The following UBE2K variants were observed in gnomAD, a reference collection of about 807,000 sequenced individuals.
The protein encoded by UBE2K is ubiquitin-conjugating enzyme E2 K.
Under a neutral mutation model 30.0 loss-of-function variants are expected in UBE2K, and 6 were observed. The observed-to-expected ratio is 0.20, with a 90% CI of 0.11 to 0.39. The LOEUF (loss-of-function observed/expected upper bound fraction) is 0.39. UBE2K is among the 10% of genes least tolerant of loss of function. UBE2K has a pLI of 1.00. For synonymous variants in UBE2K, 86 were observed against 83.7 expected (o/e 1.03, Z -0.15); for missense variants, 61 against 241.6 (o/e 0.25, Z 4.96).
At chr4:39,744,074 G>A (rs940697625) in intron 2 of UBE2K, among the ~76,000 whole-genome samples, 2 of 152,130 alleles carry the variant, frequency 1.3e-5, no homozygotes, top group Admixed American at 1.3e-4. Flanking sequence ...TGTTTGCCAG[G>A]CTAGTCTTGA....
At chr4:39,764,902 T>TC (rs397799199) in intron 4 of UBE2K, among the ~76,000 whole-genome samples, 58 of 142,842 alleles carry the variant, frequency 4.1e-4, no homozygotes, top group African/African-American at 1.5e-3. Context: ...TTTTTTTTTT[T>TC]CGAGACAAGA....
intron 3 of UBE2K, among the ~76,000 whole-genome samples, chr4:39,752,266 A>G (rs547210045): frequency 6.8e-6 from 1 of 147,840 alleles, no homozygotes; most frequent in Admixed American, 6.7e-5. Flanking sequence ...AGTAGTTGGG[A>G]CTGCAGTAGC....
intron 2 of UBE2K, among the ~76,000 whole-genome samples, chr4:39,743,913 A>G (rs1437986414): frequency 6.6e-6 from 1 of 152,052 alleles, no homozygotes; most frequent in Admixed American, 6.6e-5. Flanking sequence ...CGTAGGCTGG[A>G]GTGCAGTGGT....
At chr4:39,775,629 G>A (rs1000932484) in intron 5 of UBE2K, among the ~76,000 whole-genome samples, 1 of 152,148 alleles carries the variant, frequency 6.6e-6, no homozygotes, top group Non-Finnish European at 1.5e-5. Flanking sequence ...GCACACACCT[G>A]TAGTCCCAGC....
intron 3 of UBE2K, among the ~76,000 whole-genome samples, chr4:39,749,561 C>T (rs1300436645): frequency 6.6e-6 from 1 of 152,112 alleles, no homozygotes; most frequent in East Asian, 1.9e-4. Flanking sequence ...CGCCTGTAGT[C>T]TCAGCTACTC....
chr4:39,747,508 G>A (rs1045312884), intron 3 of UBE2K, among the ~76,000 whole-genome samples: 2 of 152,180 alleles, frequency 1.3e-5, no homozygotes, highest in African/African-American at 4.8e-5. Flanking sequence ...TCATGTTAAA[G>A]CATGTGTCAG....
Position 39,717,218 on chromosome 4 carries a change from T to C in UBE2K, c.63+18828T>C, listed in dbSNP as rs376859265. On this transcript the variant is annotated intron_variant, in intron 1 of 6. Transcript: ENST00000261427. ...CATTTATTTTTCTGCCTTCAGTCTC[T>C]CCCAGCTTTTCTTTTCTTTCTTTTT... 2.6e-5 allele frequency among the ~76,000 whole-genome samples: 4 copies of C among 151,760 alleles called. No individual in the cohort carries two copies. In the South Asian group the frequency reaches 6.2e-4, roughly 24 times the overall value.
chr4:39,702,979 G>A (rs1718120722), intron 1 of UBE2K, among the ~76,000 whole-genome samples: 1 of 151,982 alleles, frequency 6.6e-6, no homozygotes, highest in Non-Finnish European at 1.5e-5. Flanking sequence ...ACTGCCATAT[G>A]TTGAGAACTA....
chr4:39,750,821 C>T (rs1418855847), intron 3 of UBE2K, among the ~76,000 whole-genome samples: 1 of 151,476 alleles, frequency 6.6e-6, no homozygotes, highest in Non-Finnish European at 1.5e-5. Flanking sequence ...TCATGGCTCA[C>T]TGCAACCTCT....
chr4:39,716,163 T>G (rs1288394128), intron 1 of UBE2K, among the ~76,000 whole-genome samples: 1 of 152,228 alleles, frequency 6.6e-6, no homozygotes, highest in Non-Finnish European at 1.5e-5. Flanking sequence ...CATCCTCCAC[T>G]TGTCTCTGGA....
chr4:39,728,413 A>T (rs6531739), intron 1 of UBE2K, among the ~76,000 whole-genome samples: 124,593 of 152,118 alleles, frequency 0.82, 51,470 homozygotes, highest in East Asian at 0.92. Flanking sequence ...GGTTTGAGGC[A>T]GCGGTGAGCT....
chr4:39,770,091 A>G lies in UBE2K; in HGVS notation c.300-4743A>G, dbSNP rs995329171. On this transcript the variant is annotated intron_variant, in intron 4 of 6. Transcript: ENST00000261427. Reference sequence around the variant, plus strand: ...TCCACGCCTGCGCGGCTAGCGGATGAGGACATTAATCTCGGCCACACTGGT... The same window carrying G: ...TCCACGCCTGCGCGGCTAGCGGATGGGGACATTAATCTCGGCCACACTGGT... 6.4e-6 allele frequency: 10 copies of G among 1,557,256 alleles called. No individual in the cohort carries two copies. In the African/African-American group the frequency reaches 1.2e-4, roughly 19 times the overall value.
chr4:39,749,225 T>C (rs1361005407), intron 3 of UBE2K, among the ~76,000 whole-genome samples: 1 of 152,214 alleles, frequency 6.6e-6, no homozygotes, highest in African/African-American at 2.4e-5. Flanking sequence ...AGAGAAAATA[T>C]ATCTTTGAAT....
At chr4:39,732,200 G>C (rs1430947236) in intron 1 of UBE2K, among the ~76,000 whole-genome samples, 1 of 152,100 alleles carries the variant, frequency 6.6e-6, no homozygotes, top group African/African-American at 2.4e-5. Context: ...AACCCTATGA[G>C]GAACTATCTT....
chr4:39,774,588 G>A (rs1018028426), intron 4 of UBE2K, among the ~76,000 whole-genome samples: 1 of 151,856 alleles, frequency 6.6e-6, no homozygotes, highest in African/African-American at 2.4e-5. Context: ...ACTCCAGCCT[G>A]GGCGACAGAG....
chr4:39,733,814 T>A (rs1720207245), intron 1 of UBE2K, among the ~76,000 whole-genome samples: 1 of 152,194 alleles, frequency 6.6e-6, no homozygotes, highest in Non-Finnish European at 1.5e-5. Context: ...TCAGCACACA[T>A]ATGTCTTACT....
intron 4 of UBE2K, among the ~76,000 whole-genome samples, chr4:39,758,617 G>A (rs1578486079): frequency 6.6e-6 from 1 of 152,104 alleles, no homozygotes; most frequent in South Asian, 2.1e-4. Flanking sequence ...GGCGGAAGTT[G>A]CAGTTAGCAG....
chr4:39,755,328 T>C (rs1419500277), intron 3 of UBE2K, among the ~76,000 whole-genome samples: 1 of 152,244 alleles, frequency 6.6e-6, no homozygotes, highest in East Asian at 1.9e-4. Context: ...TTATTTTATG[T>C]ACTATTTTAT....
chr4:39,728,883 G>A (rs527238755), intron 1 of UBE2K, among the ~76,000 whole-genome samples: 1 of 147,724 alleles, frequency 6.8e-6, no homozygotes, highest in East Asian at 2.0e-4. Context: ...TAGCCAGGAT[G>A]GTCTCCATCT....
Sources: allele counts gnomAD v4.1 joint callset (sites outside exome capture counted in the v4.1 genomes callset), GRCh38; gene constraint gnomAD v4.1.1; transcripts MANE v1.5; gene names NCBI Gene and HGNC (gene_info 2026-07-23, HGNC 2026-07-21).